Variants in STK3 observed in about 807,000 individuals in gnomAD.
STK3 encodes serine/threonine kinase 3, also known as serine/threonine-protein kinase 3.
Under a neutral mutation model 58.0 loss-of-function variants are expected in STK3, and 41 were observed. The observed-to-expected ratio is 0.71, with a 90% CI of 0.55 to 0.92. The LOEUF is 0.92. Among genes scored for constraint, STK3 ranks in the 40% least tolerant of loss-of-function variants. The probability of loss-of-function intolerance (pLI) is 0.00; values close to 1 mark genes in which losing one functional copy is unlikely to be tolerated. For synonymous variants in STK3, 170 were observed against 191.0 expected (o/e 0.89, Z 0.91); for missense variants, 479 against 602.7 (o/e 0.79, Z 2.15).
intron 6 of STK3, among the ~76,000 whole-genome samples, chr8:98,616,961 C>A (rs534520451): frequency 4.9e-4 from 75 of 152,216 alleles, no homozygotes; most frequent in African/African-American, 1.5e-3. Context: ...ACCAAGCGGA[C>A]CTAATAGACA....
chr8:98,571,585 G>C (rs1199489537), intron 8 of STK3, among the ~76,000 whole-genome samples: 7 of 152,160 alleles, frequency 4.6e-5, no homozygotes, highest in Admixed American at 4.6e-4. Flanking sequence ...ACAGCTCTGA[G>C]TTCAGACCAT....
chr8:98,828,516 G>C (rs138961321), upstream of STK3, among the ~76,000 whole-genome samples: 1 of 149,214 alleles, frequency 6.7e-6, no homozygotes. Flanking sequence ...CCAACTACTA[G>C]GCTTCAGTGA....
At chr8:98,905,216 T>G in intron 1 of STK3, 1 of 932,992 alleles carries the variant, frequency 1.1e-6, no homozygotes, top group Non-Finnish European at 1.8e-6. Flanking sequence ...CAGTCCGAAG[T>G]CGGGCTTGTG....
intron 1 of STK3, among the ~76,000 whole-genome samples, chr8:98,818,044 C>T (rs1834663310): frequency 6.6e-6 from 1 of 152,132 alleles, no homozygotes; most frequent in Non-Finnish European, 1.5e-5. Context: ...ATTTCAATTC[C>T]TCCCACACAT....
chr8:98,902,495 T>C (rs1005284478), intron 1 of STK3, among the ~76,000 whole-genome samples: 1 of 152,204 alleles, frequency 6.6e-6, no homozygotes, highest in African/African-American at 2.4e-5. Flanking sequence ...CAAGCATACC[T>C]GAGACCTAGA....
At chr8:98,499,625 TATC>T (rs1285598323) in intron 10 of STK3, among the ~76,000 whole-genome samples, 1 of 152,154 alleles carries the variant, frequency 6.6e-6, no homozygotes, top group Non-Finnish European at 1.5e-5. Flanking sequence ...AGAACACATA[TATC>T]ATCATAAGCA....
intron 1 of STK3, among the ~76,000 whole-genome samples, chr8:98,790,674 A>G (rs893600692): frequency 6.6e-6 from 1 of 152,204 alleles, no homozygotes. Context: ...CAGACCACTT[A>G]GACAAGAGAA....
chr8:98,862,499 A>T (rs1836973151), intron 3 of STK3, among the ~76,000 whole-genome samples: 2 of 152,230 alleles, frequency 1.3e-5, no homozygotes, highest in African/African-American at 4.8e-5. Context: ...TCAGCTATGT[A>T]AATTCATAGG....
At chr8:98,922,453 C>T (rs897721315) in intron 1 of STK3, among the ~76,000 whole-genome samples, 3 of 152,172 alleles carry the variant, frequency 2.0e-5, no homozygotes, top group East Asian at 1.9e-4. Context: ...TTTTCTATTA[C>T]CTGCATTTGA....
upstream of STK3, chr8:98,391,404 C>T (rs1460117299): frequency 6.6e-6 from 1 of 152,260 alleles, no homozygotes; most frequent in Admixed American, 6.5e-5. Flanking sequence ...CACACATGTG[C>T]AGCTCAGGGA....
chr8:98,402,905 G>T (rs1042515887), intron 3 of STK3, among the ~76,000 whole-genome samples: 1 of 152,208 alleles, frequency 6.6e-6, no homozygotes, highest in Admixed American at 6.5e-5. Context: ...CTGGGTGAGA[G>T]GCTGAGAGAG....
chr8:98,929,745 C>T (rs1181897464), intron 1 of STK3, among the ~76,000 whole-genome samples: 1 of 152,214 alleles, frequency 6.6e-6, no homozygotes, highest in Non-Finnish European at 1.5e-5. Flanking sequence ...AATTATATCC[C>T]TATTTTTTAG....
chr8:98,859,061 A>G (rs1395909171), intron 3 of STK3, among the ~76,000 whole-genome samples: 1 of 152,216 alleles, frequency 6.6e-6, no homozygotes, highest in African/African-American at 2.4e-5. Flanking sequence ...AAATTTACAG[A>G]GAAAGGGGAG....
downstream of STK3, among the ~76,000 whole-genome samples, chr8:98,396,776 G>A (rs1189914340): frequency 3.3e-5 from 5 of 152,204 alleles, no homozygotes; most frequent in East Asian, 1.9e-4. Flanking sequence ...AAGCAGCCAC[G>A]CTGACTGCTG....
chr8:98,658,157 A>G (rs1339865747), intron 6 of STK3, among the ~76,000 whole-genome samples: 1 of 152,112 alleles, frequency 6.6e-6, no homozygotes, highest in Non-Finnish European at 1.5e-5. Flanking sequence ...AGACTATTAG[A>G]TCCAAGAAAA....
chr8:98,869,022 A>AGAAGGAAGGAAG (rs200905250), intron 3 of STK3, among the ~76,000 whole-genome samples: 3,795 of 111,670 alleles, frequency 0.034, 90 homozygotes, highest in Non-Finnish European at 0.041. Flanking sequence ...GAAAAAGGAA[A>AGAAGGAAGGAAG]GAAGGAAGGA....
chr8:98,429,779 G>T (rs991120076), intron 3 of STK3: 3 of 199,042 alleles, frequency 1.5e-5, no homozygotes, highest in African/African-American at 7.0e-5. Context: ...TCCTGTTTCT[G>T]AGGTTGTCGT....
chr8:98,392,788 TCTC>T (rs1318746655), upstream of STK3, among the ~76,000 whole-genome samples: 4 of 152,128 alleles, frequency 2.6e-5, no homozygotes, highest in African/African-American at 7.2e-5. Context: ...TTCCACTTCT[TCTC>T]CTGTCCATGA....
At chr8:98,643,233 C>T (rs1180630390) in intron 6 of STK3, among the ~76,000 whole-genome samples, 1 of 152,030 alleles carries the variant, frequency 6.6e-6, no homozygotes, top group South Asian at 2.1e-4. Context: ...AAATAAAATA[C>T]AATAAATGAA....
Sources: gnomAD v4.1 joint callset for allele counts (sites outside exome capture counted in the v4.1 genomes callset) on GRCh38, gnomAD v4.1.1 for gene constraint, MANE v1.5 for transcripts, NCBI Gene and HGNC (gene_info 2026-07-23, HGNC 2026-07-21) for gene names.